The following DNAH3 variants were observed in gnomAD, a reference collection of about 807,000 sequenced individuals.
The protein encoded by DNAH3 is axonemal beta dynein heavy chain 3.
Under a neutral mutation model 432.5 loss-of-function variants are expected in DNAH3, and 332 were observed. The ratio of observed to expected loss-of-function variants is 0.77; its 90% CI spans 0.70 to 0.84. DNAH3 has a LOEUF of 0.84. Among genes scored for constraint, DNAH3 ranks in the 40% least tolerant of loss-of-function variants. The pLI, the probability that DNAH3 is intolerant of heterozygous loss-of-function variation, is 0.00. For synonymous variants in DNAH3, 1,956 were observed against 1,900.2 expected (o/e 1.03, Z -0.76); for missense variants, 4,861 against 5,114.0 (o/e 0.95, Z 1.51).
intron 1 of DNAH3, among the ~76,000 whole-genome samples, chr16:21,153,648 C>T (rs2092877849): frequency 1.3e-5 from 2 of 152,154 alleles, no homozygotes; most frequent in South Asian, 2.1e-4. Flanking sequence ...TGAAGGTCTG[C>T]AGCTTCACTC....
intron 3 of DNAH3, 73 bp downstream of exon 4, chr16:21,145,108 T>G: frequency 7.6e-7 from 1 of 1,313,820 alleles, no homozygotes; most frequent in East Asian, 2.5e-5. Flanking sequence ...TGAGACTCCA[T>G]CTAAAATAAA....
At chr16:20,972,739 A>ATTTTT (rs34245316) in intron 51 of DNAH3, among the ~76,000 whole-genome samples, 5 of 95,958 alleles carry the variant, frequency 5.2e-5, no homozygotes, top group African/African-American at 1.4e-4. Flanking sequence ...ATGCCCCGTG[A>ATTTTT]TTTTTTTTTT....
intron 18 of DNAH3, among the ~76,000 whole-genome samples, chr16:21,088,319 G>C (rs757565466): frequency 6.6e-6 from 1 of 152,100 alleles, no homozygotes; most frequent in African/African-American, 2.4e-5. Context: ...GAATTATCAC[G>C]GTGACTTTCC....
At chr16:21,027,976 T>A (rs1212217487) in intron 37 of DNAH3, among the ~76,000 whole-genome samples, 2 of 152,134 alleles carry the variant, frequency 1.3e-5, no homozygotes, top group African/African-American at 2.4e-5. Context: ...TTTCCATAAA[T>A]TCTTTTTATT....
chr16:20,958,500 T>A (rs1380667128), intron 54 of DNAH3, among the ~76,000 whole-genome samples: 1 of 152,186 alleles, frequency 6.6e-6, no homozygotes, highest in Non-Finnish European at 1.5e-5. Flanking sequence ...AGCTGTAAGA[T>A]AACTTCTCAG....
In DNAH3 at chr16:21,042,161, G is replaced by A. The variant is rs1381020504; in HGVS notation, c.4504C>T (p.Gln1502Ter). ...TTTAGCTTCCGAATGATGGCTTGTT[G>A]GATGCTGAGGATCTGCTGAGCGACC... Residue 1502 changes from glutamine (Q) to a stop codon, truncating the protein, a stop_gained, in exon 32 of 62, where the codon CAA becomes TAA. Transcript: ENST00000261383. LOFTEE classifies it high-confidence loss of function. 1.9e-6 allele frequency: 3 copies of A among 1,611,754 alleles called. No homozygotes were observed. The highest frequency in any genetic ancestry group is 2.2e-5 in the East Asian group (1 of 44,794).
chr16:21,014,261 TTGA>T (rs1459278660), intron 41 of DNAH3, among the ~76,000 whole-genome samples: 7 of 152,220 alleles, frequency 4.6e-5, no homozygotes, highest in Admixed American at 4.6e-4. Flanking sequence ...TTTATTCCAC[TTGA>T]TTATTATTAT....
rs1235377286 is a variant in DNAH3 at position 21,022,119 on chromosome 16, A to T, written c.5647-19T>A. The T allele has an allele frequency of 5.0e-6, 8 of 1,613,322 alleles. No homozygotes were observed. Among genetic ancestry groups the T allele is most frequent in the Non-Finnish European group, 5.9e-6 (7 of 1,179,688 alleles). On this transcript the variant is annotated intron_variant, in intron 39 of 61. Transcript: ENST00000261383. Reference sequence around the variant, plus strand: ...CATTGACCTGAGAGTAGAAACCTCCATGAGACTTGGAGACATGATCAACAA... The same window carrying T: ...CATTGACCTGAGAGTAGAAACCTCCTTGAGACTTGGAGACATGATCAACAA...
At chr16:20,965,339 C>T (rs749724371) in exon 53 of DNAH3, 6 of 1,603,192 alleles carry the variant, frequency 3.7e-6, no homozygotes, top group Non-Finnish European at 5.1e-6. Context: ...GGGATGTTGT[C>T]TTTGTCATAT....
At chr16:21,003,354 C>T (rs2087123137) in intron 41 of DNAH3, 147 bp from the exon 42 acceptor site, 1 of 588,844 alleles carries the variant, frequency 1.7e-6, no homozygotes, top group Admixed American at 3.5e-5. Context: ...TTATACATTG[C>T]TGGAAAGTGT....
At chr16:21,069,286 GA>G in intron 23 of DNAH3, 128 bp downstream of exon 23, 2 of 805,802 alleles carry the variant, frequency 2.5e-6, no homozygotes, top group East Asian at 5.2e-5. Context: ...GAAATTAGAA[GA>G]AGATATAAAA....
At chr16:21,048,484 C>T (rs1296901255) in intron 31 of DNAH3, among the ~76,000 whole-genome samples, 2 of 152,210 alleles carry the variant, frequency 1.3e-5, no homozygotes, top group Non-Finnish European at 2.9e-5. Flanking sequence ...AAAGGGAACT[C>T]CCTGACCCCT....
At chr16:21,003,203 G>A in exon 42 of DNAH3, 1 of 1,606,294 alleles carries the variant, frequency 6.2e-7, no homozygotes, top group South Asian at 1.1e-5. Context: ...AATCATAGAT[G>A]CTTCCTGGAC....
Position 20,964,224 on chromosome 16 carries a change from T to C in DNAH3, c.9660A>G (p.Lys3220=), listed in dbSNP as rs139193932. The C allele has an allele frequency of 4.8e-5, 78 of 1,614,160 alleles. No homozygotes were observed. In the African/African-American group the frequency reaches 9.5e-4, roughly 20 times the overall value. ...CACTTTCCACAATCAACTGGTTCTT[T>C]TTCTCTTCCAGCTCTGGCTTCTCCT... is the stretch of plus-strand genomic sequence containing the variant. Residue 3220 remains lysine (K), a synonymous_variant, in exon 53 of 62, where the codon AAA becomes AAG. Transcript: ENST00000261383.
intron 43 of DNAH3, among the ~76,000 whole-genome samples, chr16:20,998,835 A>G (rs2086887154): frequency 6.6e-6 from 1 of 151,172 alleles, no homozygotes; most frequent in Admixed American, 6.6e-5. Flanking sequence ...GTAACATTTT[A>G]GGAGCTTTAT....
chr16:21,066,843 T>C (rs1265336220), intron 24 of DNAH3, among the ~76,000 whole-genome samples: 1 of 152,236 alleles, frequency 6.6e-6, no homozygotes, highest in Non-Finnish European at 1.5e-5. Flanking sequence ...TTTACATGTG[T>C]TAGTTCATTA....
At chr16:20,976,805 G>A (rs929869180) in intron 50 of DNAH3, among the ~76,000 whole-genome samples, 3 of 152,172 alleles carry the variant, frequency 2.0e-5, no homozygotes, top group Non-Finnish European at 4.4e-5. Context: ...CAGCAAAAAG[G>A]CAGCCGTCTG....
intron 24 of DNAH3, among the ~76,000 whole-genome samples, chr16:21,065,743 C>G (rs1289352954): frequency 6.6e-6 from 1 of 152,172 alleles, no homozygotes; most frequent in African/African-American, 2.4e-5. Flanking sequence ...TTGGACAGTA[C>G]GGACAAAGAA....
At chr16:21,103,028 G>T (rs1324630065) in intron 16 of DNAH3, among the ~76,000 whole-genome samples, 1 of 152,056 alleles carries the variant, frequency 6.6e-6, no homozygotes, top group East Asian at 1.9e-4. Context: ...ACTATGCCCG[G>T]CCAGGAGACT....
Sources: allele counts gnomAD v4.1 joint callset (sites outside exome capture counted in the v4.1 genomes callset), GRCh38; gene constraint gnomAD v4.1.1; transcripts MANE v1.5; gene names NCBI Gene and HGNC (gene_info 2026-07-23, HGNC 2026-07-21).